Variants in OPN1LW observed in about 807,000 individuals in gnomAD.
OPN1LW encodes long-wave-sensitive opsin 1.
Under a neutral mutation model 18.1 loss-of-function variants are expected in OPN1LW, and 4 were observed. That is an observed-to-expected ratio of 0.22 (90% CI 0.11 to 0.51). The LOEUF is 0.51. OPN1LW is among the 20% of genes least tolerant of loss of function. The pLI is 0.97. For missense variants in OPN1LW, 164 were observed against 234.9 expected, an observed-to-expected ratio of 0.70 and a Z score of 1.97; for synonymous variants, 86 against 101.2, an observed-to-expected ratio of 0.85 and a Z score of 0.90.
At chrX:154,156,156 C>G in intron 4 of OPN1LW, 138 bp from the exon 5 acceptor site, 1 of 754,429 alleles carries the variant, frequency 1.3e-6, no homozygotes, top group Non-Finnish European at 1.9e-6. Context: ...GCCATGTCTG[C>G]CTGGGGCCGG....
chrX:154,148,614 C>G (rs1455419210), intron 1 of OPN1LW, among the ~76,000 whole-genome samples: 2 of 103,255 alleles, frequency 1.9e-5, no homozygotes, highest in East Asian at 5.7e-4. Context: ...ATAATCAGGA[C>G]AGCCGTCATA....
chrX:154,149,655 G>A (rs1441982539), intron 1 of OPN1LW, among the ~76,000 whole-genome samples: 5 of 71,609 alleles, frequency 7.0e-5, no homozygotes, highest in African/African-American at 3.7e-4. Context: ...GGGTGCTAGC[G>A]TGGTGGGCTC....
chrX:154,148,455 A>G lies in OPN1LW; in HGVS notation c.113-2201A>G, dbSNP rs181571944. ...TAATTTTTTTTTCTTTTGTATTTTT[A>G]GTAGAGACGGGGTTTCACCATGGCC... On this transcript the variant is annotated intron_variant, in intron 1 of 5. Coordinates refer to ENST00000369951, the MANE Select transcript of OPN1LW (RefSeq NM_020061.6). 3.4e-4 allele frequency among the ~76,000 whole-genome samples: 35 copies of G among 102,464 alleles called. No individual in the cohort carries two copies. The East Asian group carries it at 9.6e-3, about 28-fold the overall frequency. The allele number at this position is 102,464 out of a possible 115,157, so 89.0% of individuals were successfully genotyped here.
Position 154,144,429 on chromosome X carries a change from G to A in OPN1LW, c.112+34G>A, listed in dbSNP as rs782658391. On this transcript the variant is annotated intron_variant, in intron 1 of 5. Coordinates refer to ENST00000369951, the MANE Select transcript of OPN1LW (RefSeq NM_020061.6). ...GCAGGCCCGTGGAGGCTGGGTGGCT[G>A]CACTGGGGGCCACCGGCCACCCACC... 5.8e-6 allele frequency: 6 copies of A among 1,040,800 alleles called. No homozygotes were observed. The Admixed American group carries it at 1.6e-4, about 28-fold the overall frequency. The allele number at this position is 1,040,800 out of a possible 1,213,427, so 85.8% of individuals were successfully genotyped here.
intron 5 of OPN1LW, 29 bp downstream of exon 5, chrX:154,156,562 C>G: frequency 8.4e-7 from 1 of 1,192,920 alleles, no homozygotes; most frequent in Non-Finnish European, 1.1e-6. Context: ...AGATCCCACT[C>G]AAAATACCGT....
chrX:154,154,854 G>A, intron 4 of OPN1LW, 115 bp downstream of exon 4: 4 of 531,856 alleles, frequency 7.5e-6, no homozygotes, highest in Non-Finnish European at 1.2e-5. Context: ...TAGAGAAGAG[G>A]ATTTTACCCC....
chrX:154,148,164 G>A (rs1473606073), intron 1 of OPN1LW, among the ~76,000 whole-genome samples: 3 of 102,718 alleles, frequency 2.9e-5, no homozygotes, highest in Non-Finnish European at 5.7e-5. Flanking sequence ...CAGGAGGATC[G>A]CTTGAGCCCA....
rs189958715 is a variant in OPN1LW, at chrX:154,148,682, C to T, written c.113-1974C>T. Among the ~76,000 whole-genome samples the T allele has an allele frequency of 1.1e-3, 112 of 105,216 alleles. 4 individuals carry two copies. The Middle Eastern group carries it at 0.014, about 13-fold the overall frequency. 91.4% of individuals were successfully genotyped at this position (105,216 alleles called of 115,157 possible). ...AAACTTGGTCATTTCTGTAAAGACCCTATCTCCGAAAACGGTCACATTCTG... is the reference window on the plus strand; with the variant it reads ...AAACTTGGTCATTTCTGTAAAGACCTTATCTCCGAAAACGGTCACATTCTG... On this transcript the variant is annotated intron_variant, in intron 1 of 5. Transcript: ENST00000369951.
Position 154,156,428 on chromosome X carries a change from C to T in OPN1LW, c.879C>T (p.Ala293=), listed in dbSNP as rs782404715. 3 of 1,205,157 alleles carry T rather than the reference C, an allele frequency of 2.5e-6. No homozygotes were observed. The highest frequency in any genetic ancestry group is 2.2e-5 in the Admixed American group (1 of 45,870). ...PYTFFACFAA[A]NPGYAFHPLM... is the part of the protein sequence containing the mutation. The stretch of plus-strand genomic sequence containing the variant: ...CCTTCTTCGCATGCTTTGCTGCTGC[C>T]AACCCTGGTTACGCCTTCCACCCTT... The change falls in exon 5 of 6, where the codon GCC becomes GCT. Residue 293 remains alanine (A), a synonymous_variant. Transcript: ENST00000369951.
rs1475725502 is a variant in OPN1LW at position 154,149,200 on chromosome X, G to A, written c.113-1456G>A. ...AGCCTGGGTGACAGAGCAAGACTCC[G>A]TCTCAAAAAAAAAGAAAAAAAAAAG... On this transcript the variant is annotated intron_variant, in intron 1 of 5. Transcript: ENST00000369951. Among the ~76,000 whole-genome samples, 157 of 96,867 alleles carry A rather than the reference G, an allele frequency of 1.6e-3. 4 individuals carry two copies. Among genetic ancestry groups the A allele is most frequent in the African/African-American group, 7.2e-3 (152 of 21,129 alleles). The allele number at this position is 96,867 out of a possible 115,157, so 84.1% of individuals were successfully genotyped here.
intron 1 of OPN1LW, among the ~76,000 whole-genome samples, chrX:154,148,307 C>G (rs1184695829): frequency 9.7e-6 from 1 of 103,393 alleles, no homozygotes; most frequent in East Asian, 2.8e-4. Context: ...GTTCTGTCAC[C>G]CCGGCTGGAG....
intron 4 of OPN1LW, among the ~76,000 whole-genome samples, chrX:154,155,942 C>A (rs782809344): frequency 1.1e-3 from 2 of 1,760 alleles, no homozygotes; most frequent in Admixed American, 4.3e-3. Flanking sequence ...GCCATCTCCA[C>A]CTTGTTAACT....
rs782146239 is a variant in OPN1LW at position 154,148,920 on chromosome X, C to A, written c.113-1736C>A. ...CTGGCTGCTATAAGAAATTACCAGGCTGTGGCCGGGCGCAGTGGCTCACGC... is the reference window on the plus strand; with the variant it reads ...CTGGCTGCTATAAGAAATTACCAGGATGTGGCCGGGCGCAGTGGCTCACGC... On this transcript the variant is annotated intron_variant, in intron 1 of 5. Coordinates refer to ENST00000369951, the MANE Select transcript of OPN1LW (RefSeq NM_020061.6). Among the ~76,000 whole-genome samples the A allele has an allele frequency of 4.7e-5, 5 of 105,319 alleles. No homozygotes were observed. The East Asian group carries it at 1.4e-3, about 30-fold the overall frequency. The allele number at this position is 105,319 out of a possible 115,157, so 91.5% of individuals were successfully genotyped here. A position where few individuals can be genotyped will look rare whatever the true frequency, so the allele number is the denominator to read the frequency against.
intron 1 of OPN1LW, among the ~76,000 whole-genome samples, chrX:154,148,425 C>T (rs1179478047): frequency 1.9e-5 from 2 of 103,046 alleles, no homozygotes; most frequent in Non-Finnish European, 3.8e-5. Context: ...ACCACCATAC[C>T]TAGCTAATTT....
intron 2 of OPN1LW, 77 bp downstream of exon 2, chrX:154,151,029 C>T (rs1603345234): frequency 6.9e-6 from 8 of 1,161,667 alleles, no homozygotes; most frequent in South Asian, 5.4e-5. Context: ...TCATGATGAT[C>T]GGGGCCCAGC....
At position 154,150,964 on chromosome X, in the gene OPN1LW, G is replaced by A. The variant is rs201015173; in HGVS notation, c.409+12G>A. On this transcript the variant is annotated intron_variant, in intron 2 of 5. Coordinates refer to ENST00000369951, the MANE Select transcript of OPN1LW (RefSeq NM_020061.6). ...CGTCTCCCTGTGTGGTAAGCCAGTC[G>A]GGGCCCAGGCTCGGCGGAAACCACT... is the stretch of plus-strand genomic sequence containing the variant. 5.9e-6 allele frequency: 7 copies of A among 1,181,546 alleles called. 1 individual carries two copies. In the Admixed American group the frequency reaches 1.1e-4, roughly 19 times the overall value.
chrX:154,144,519 C>G, intron 1 of OPN1LW, 124 bp downstream of exon 1: 1 of 458,862 alleles, frequency 2.2e-6, no homozygotes, highest in South Asian at 3.3e-5. Context: ...TCTCCCATAG[C>G]TTTTCTGATG....
Position 154,144,300 on chromosome X carries a change from G to A in OPN1LW, c.17G>A (p.Ser6Asn), listed in dbSNP as rs1432802860. 1 of 1,196,523 alleles carries A rather than the reference G, an allele frequency of 8.4e-7. No individual in the cohort carries two copies. The highest frequency in any genetic ancestry group is 1.1e-6 in the Non-Finnish European group (1 of 889,658). The change falls in exon 1 of 6, where the codon AGC becomes AAC. Residue 6 changes from serine to asparagine, a missense_variant. Physicochemically the swap from Ser to Asn is conservative, Grantham distance 46 (BLOSUM62 1). This residue lies in a region of OPN1LW where 106 missense variants were observed against 167.7 expected (regional missense o/e 0.63). Transcript: ENST00000369951. ...TCCATAGCCATGGCCCAGCAGTGGAGCCTCCAAAGGCTCGCAGGCCGCCAT... is the reference window on the plus strand; with the variant it reads ...TCCATAGCCATGGCCCAGCAGTGGAACCTCCAAAGGCTCGCAGGCCGCCAT... The part of the protein sequence containing the change: MAQQW[S>N]LQRLAGRHPQ...
At position 154,154,063 on chromosome X, in the gene OPN1LW, C is replaced by G. The variant is rs1300788298; in HGVS notation, c.579-511C>G. Among the ~76,000 whole-genome samples, 4 of 93,944 alleles carry G rather than the reference C, an allele frequency of 4.3e-5. 1 individual carries two copies. The highest frequency in any genetic ancestry group is 8.2e-5 in the Non-Finnish European group (4 of 48,963). The allele number at this position is 93,944 out of a possible 115,157, so 81.6% of individuals were successfully genotyped here. A position where few individuals can be genotyped will look rare whatever the true frequency, so the allele number is the denominator to read the frequency against. The stretch of plus-strand genomic sequence containing the variant: ...CTCACTGCAGCCTCCACCTCCTGGG[C>G]TCAAGTGATCCTCCTACCTCAGCCT... On this transcript the variant is annotated intron_variant, in intron 3 of 5. Coordinates refer to ENST00000369951, the MANE Select transcript of OPN1LW (RefSeq NM_020061.6).
Sources: gnomAD v4.1 joint callset for allele counts (sites outside exome capture counted in the v4.1 genomes callset) on GRCh38, gnomAD v4.1.1 for gene constraint, gnomAD v4.1.1 regional missense constraint, MANE v1.5 for transcripts, NCBI Gene and HGNC (gene_info 2026-07-23, HGNC 2026-07-21) for gene names.